PZP: variants seen among roughly 807,000 people sequenced by gnomAD.
PZP encodes the protein pregnancy zone protein.
In PZP, 150 loss-of-function variants were observed where a neutral mutation model predicts 179.8. The ratio of observed to expected loss-of-function variants is 0.83; its 90% confidence interval spans 0.73 to 0.96. PZP has a LOEUF of 0.96. PZP is among the 40% of genes least tolerant of loss of function. The pLI is 0.00. For missense variants in PZP, 1,689 were observed against 1,764.0 expected, an observed-to-expected ratio of 0.96 and a Z score of 0.76; for synonymous variants, 624 against 652.3, an observed-to-expected ratio of 0.96 and a Z score of 0.66.
At chr12:9,191,684 C>G (rs1943464963) in intron 13 of PZP, among the ~76,000 whole-genome samples, 1 of 152,028 alleles carries the variant, frequency 6.6e-6, no homozygotes, top group South Asian at 2.1e-4. Flanking sequence ...AGTGGTTTAA[C>G]CTCTAGATTA....
Position 9,179,605 on chromosome 12 carries a change from A to G in PZP, c.1839+1378T>C, listed in dbSNP as rs753736401. On this transcript the variant is annotated intron_variant, in intron 15 of 35. Transcript: ENST00000261336. Reference sequence around the variant, plus strand: ...CACAGATCCCAACAACTCTACAGACATAAATAGTTCGATCTGTTAAAAGAT... The same window carrying G: ...CACAGATCCCAACAACTCTACAGACGTAAATAGTTCGATCTGTTAAAAGAT... 7.9e-5 allele frequency among the ~76,000 whole-genome samples: 12 copies of G among 152,334 alleles called. No individual in the cohort carries two copies. In the South Asian group the frequency reaches 2.3e-3, roughly 29 times the overall value.
intron 1 of PZP, among the ~76,000 whole-genome samples, chr12:9,207,794 A>G (rs1285773706): frequency 6.6e-6 from 1 of 152,212 alleles, no homozygotes; most frequent in Non-Finnish European, 1.5e-5. Flanking sequence ...ACCAACTTAC[A>G]ACTGGATAGG....
intron 7 of PZP, among the ~76,000 whole-genome samples, chr12:9,197,492 T>C (rs1943856491): frequency 7.7e-6 from 1 of 129,064 alleles, no homozygotes; most frequent in South Asian, 2.2e-4. Context: ...TAATATATTA[T>C]ATATAAATAT....
chr12:9,201,123 A>C, intron 5 of PZP, 63 bp from the exon 6 acceptor site: 1 of 1,575,978 alleles, frequency 6.3e-7, no homozygotes, highest in Non-Finnish European at 8.6e-7. Context: ...GAGCAACTCA[A>C]ATGATTTTGA....
intron 15 of PZP, among the ~76,000 whole-genome samples, chr12:9,173,493 T>C (rs1241713802): frequency 6.6e-6 from 1 of 151,926 alleles, no homozygotes; most frequent in Non-Finnish European, 1.5e-5. Context: ...CTGAAGGAGA[T>C]AGAGACATGA....
At chr12:9,178,441 G>A (rs1018317680) in intron 15 of PZP, among the ~76,000 whole-genome samples, 2 of 152,124 alleles carry the variant, frequency 1.3e-5, no homozygotes, top group Non-Finnish European at 1.5e-5. Context: ...ATGCACCAGA[G>A]TATTGATGCT....
At chr12:9,179,305 T>A (rs761179251) in intron 15 of PZP, among the ~76,000 whole-genome samples, 40 of 152,298 alleles carry the variant, frequency 2.6e-4, no homozygotes, top group African/African-American at 9.4e-4. Flanking sequence ...CCTATATCCT[T>A]TTTTATTGCC....
At chr12:9,176,749 C>T (rs1015868741) in intron 15 of PZP, among the ~76,000 whole-genome samples, 4 of 152,176 alleles carry the variant, frequency 2.6e-5, no homozygotes, top group African/African-American at 9.7e-5. Context: ...TCCTGAGTGC[C>T]TCTTGTTTCC....
chr12:9,147,023 C>G (rs1940045543), downstream of PZP, among the ~76,000 whole-genome samples: 2 of 152,326 alleles, frequency 1.3e-5, no homozygotes, highest in Admixed American at 1.3e-4. Context: ...GCTGCCACCT[C>G]CTTTCTTCCA....
At chr12:9,161,233 C>T in intron 22 of PZP, 117 bp from the exon 23 acceptor site, 1 of 788,258 alleles carries the variant, frequency 1.3e-6, no homozygotes, top group South Asian at 2.1e-5. Context: ...ACTGGCCCTG[C>T]TTTGTGACCT....
chr12:9,150,063 C>A (rs906557407), intron 34 of PZP, among the ~76,000 whole-genome samples: 5 of 152,324 alleles, frequency 3.3e-5, no homozygotes, highest in Admixed American at 3.3e-4. Context: ...GCCTTCTGTG[C>A]TGTTTTTGCC....
Position 9,164,134 on chromosome 12 carries a change from C to T in PZP, c.2613G>A (p.Leu871=), listed in dbSNP as rs1291317793. The T allele has an allele frequency of 1.2e-6, 2 of 1,610,944 alleles. No individual in the cohort carries two copies. The highest frequency in any genetic ancestry group is 1.7e-6 in the Non-Finnish European group (2 of 1,177,382). The change falls in exon 20 of 36, where the codon CTG becomes CTA. Residue 871 remains leucine, a splice_region_variant and synonymous_variant. Coordinates refer to ENST00000261336, the MANE Select transcript of PZP (RefSeq NM_002864.3). ...TLSWTVTPKT[L]GNVNFSVSAE... ...GCCCTTTTGGGTACTGTCACTCACC[C>T]AGAGTTTTAGGAGTCACTGTCCAAG...
At chr12:9,194,344 C>T in intron 10 of PZP, 106 bp from the exon 11 acceptor site, 1 of 1,026,486 alleles carries the variant, frequency 9.7e-7, no homozygotes, top group Non-Finnish European at 1.4e-6. Context: ...CAACCTCCCC[C>T]TCAAAAAAAC....
chr12:9,174,863 T>C (rs1257357362), intron 15 of PZP, among the ~76,000 whole-genome samples: 1 of 152,214 alleles, frequency 6.6e-6, no homozygotes, highest in African/African-American at 2.4e-5. Context: ...GAAGAATCAG[T>C]GTAATGACAA....
chr12:9,165,118 G>A lies in PZP; in HGVS notation c.2487+21C>T, dbSNP rs1941490786. On this transcript the variant is annotated intron_variant, in intron 19 of 35. Coordinates refer to ENST00000261336, the MANE Select transcript of PZP (RefSeq NM_002864.3). The stretch of plus-strand genomic sequence containing the variant: ...ATCTTTTGTTCTACCCACCTTTCCT[G>A]TTCACCCTCATTTTCCTTACCCGGA... The A allele has an allele frequency of 5.6e-6, 9 of 1,608,654 alleles. No individual in the cohort carries two copies. The East Asian group carries it at 2.0e-4, about 36-fold the overall frequency.
In PZP at chr12:9,162,585, A is replaced by G. The variant is rs531723051; in HGVS notation, c.2788+12T>C. On this transcript the variant is annotated intron_variant, in intron 22 of 35. Transcript: ENST00000261336. ...TTTTGATCTCACTATGATTATGAAG[A>G]TGGACTCTTACCTGAGGCACAGGTC... 7.7e-6 allele frequency: 12 copies of G among 1,560,370 alleles called. No individual in the cohort carries two copies. The South Asian group carries it at 1.2e-4, about 16-fold the overall frequency.
At chr12:9,178,811 C>T (rs1238167423) in intron 15 of PZP, among the ~76,000 whole-genome samples, 1 of 152,178 alleles carries the variant, frequency 6.6e-6, no homozygotes, top group Non-Finnish European at 1.5e-5. Flanking sequence ...GGACACACCC[C>T]TGCAGATCAG....
In PZP at chr12:9,203,879, G is replaced by A; in HGVS notation, c.156C>T (p.His52=). The A allele has an allele frequency of 6.2e-7, 1 of 1,614,120 alleles. No individual in the cohort carries two copies. Among genetic ancestry groups the A allele is most frequent in the Non-Finnish European group, 8.5e-7 (1 of 1,179,984 alleles). ...CACTTACAGTCACTGTCTCATTCAGGTGGCTCAGAAGGACACAGCCCTTCT... is the reference window on the plus strand; with the variant it reads ...CACTTACAGTCACTGTCTCATTCAGATGGCTCAGAAGGACACAGCCCTTCT... ...APKKGCVLLS[H]LNETVTVSAS... is the part of the protein sequence containing the mutation. Residue 52 remains histidine (H), a synonymous_variant, in exon 2 of 36, where the codon CAC becomes CAT. Coordinates refer to ENST00000261336, the MANE Select transcript of PZP (RefSeq NM_002864.3).
intron 3 of PZP, 21 bp downstream of exon 3, chr12:9,202,504 C>T: frequency 6.2e-7 from 1 of 1,613,670 alleles, no homozygotes; most frequent in Non-Finnish European, 8.5e-7. Context: ...TTGCCCCAAA[C>T]AGTGGAATTT....
Sources: allele counts gnomAD v4.1 joint callset (sites outside exome capture counted in the v4.1 genomes callset), GRCh38; gene constraint gnomAD v4.1.1; transcripts MANE v1.5; gene names NCBI Gene and HGNC (gene_info 2026-07-23, HGNC 2026-07-21).